The following ZFYVE16 variants were observed in gnomAD, a reference collection of about 807,000 sequenced individuals.
The protein encoded by ZFYVE16 is zinc finger FYVE domain-containing protein 16.
ZFYVE16 carries 89 observed loss-of-function variants against 138.1 expected under a neutral mutation model. The observed-to-expected ratio is 0.64, with a 90% CI of 0.54 to 0.77. ZFYVE16 has a LOEUF of 0.77. ZFYVE16 is among the 30% of genes least tolerant of loss of function. ZFYVE16 has a pLI of 0.00. For missense variants in ZFYVE16, 1,793 were observed against 1,786.7 expected (o/e 1.00, Z -0.06); for synonymous variants, 596 against 618.3 (o/e 0.96, Z 0.53).
intron 11 of ZFYVE16, 44 bp from the exon 12 acceptor site, chr5:80,455,648 G>GT (rs765736302): frequency 1.8e-4 from 261 of 1,459,876 alleles, no homozygotes; most frequent in Admixed American, 3.9e-4. Flanking sequence ...ATAATTTGGG[G>GT]TTTTTTTTGT....
At position 80,480,840 on chromosome 5, in the gene ZFYVE16, A is replaced by T. The variant is rs1755241712; in HGVS notation, c.*3463A>T. On this transcript the variant is annotated 3_prime_UTR_variant, in exon 19 of 19. Transcript: ENST00000505560. ...GGGGCTGAGGTGGGAGGATCACTTG[A>T]GCCCAGGAGGTTAAGGCTCCAGTGA... 6.6e-6 allele frequency among the ~76,000 whole-genome samples: 1 copy of T among 152,116 alleles called. No individual in the cohort carries two copies. The highest frequency in any genetic ancestry group is 1.5e-5 in the Non-Finnish European group (1 of 68,024).
chr5:80,445,353 G>A lies in ZFYVE16; in HGVS notation c.2672G>A (p.Gly891Glu). 1 of 1,613,930 alleles carries A rather than the reference G, an allele frequency of 6.2e-7. No homozygotes were observed. Among genetic ancestry groups the A allele is most frequent in the African/African-American group, 1.3e-5 (1 of 75,034 alleles). ...EVADTTKLSSGSKRCSEDFSP... is the reference protein window; with the variant it reads ...EVADTTKLSSESKRCSEDFSP... ...GCAGATACAACAAAATTATCATCTG[G>A]AAGTAAAAGATGTTCTGAAGACTTT... The change falls in exon 7 of 19, where the codon GGA becomes GAA. Residue 891 changes from glycine (G) to glutamate (E), a missense_variant. Gly to Glu is a moderately conservative substitution (Grantham distance 98). Coordinates refer to ENST00000505560, the MANE Select transcript of ZFYVE16 (RefSeq NM_001284236.3).
intron 5 of ZFYVE16, chr5:80,440,655 C>T: frequency 2.8e-6 from 2 of 715,014 alleles, no homozygotes; most frequent in Non-Finnish European, 3.2e-6. Context: ...TGAGTTCTCA[C>T]AGGTGTGTGT....
intron 15 of ZFYVE16, among the ~76,000 whole-genome samples, chr5:80,470,101 A>ATT (rs1185797719): frequency 0.16 from 17,774 of 108,310 alleles, 1,902 homozygotes; most frequent in Middle Eastern, 0.3. Context: ...GTGTGTGTGT[A>ATT]TTTTTTTTTT....
intron 1 of ZFYVE16, among the ~76,000 whole-genome samples, chr5:80,416,910 A>G (rs1746342016): frequency 6.6e-6 from 1 of 152,194 alleles, no homozygotes; most frequent in South Asian, 2.1e-4. Context: ...ATATGTTAGT[A>G]TATGTGTTTA....
At chr5:80,417,628 C>A (rs983378259) in intron 1 of ZFYVE16, among the ~76,000 whole-genome samples, 4 of 152,108 alleles carry the variant, frequency 2.6e-5, no homozygotes, top group Non-Finnish European at 4.4e-5. Context: ...GTAAGATTCA[C>A]TCGTGTTTTT....
At chr5:80,408,048 T>A (rs1390283923), upstream of ZFYVE16, 3 of 152,278 alleles carry the variant, frequency 2.0e-5, no homozygotes, top group African/African-American at 7.2e-5. Context: ...AAAGAAGCCC[T>A]GAGCCGGGAT....
intron 1 of ZFYVE16, among the ~76,000 whole-genome samples, chr5:80,410,655 C>T (rs1246489650): frequency 5.9e-5 from 9 of 151,872 alleles, no homozygotes; most frequent in Admixed American, 4.6e-4. Context: ...ACTGTAACCT[C>T]TGCCTCCCGG....
At chr5:80,456,872 C>T (rs753150493) in intron 13 of ZFYVE16, 73 bp from the exon 14 acceptor site, 246 of 1,463,892 alleles carry the variant, frequency 1.7e-4, no homozygotes, top group Non-Finnish European at 2.1e-4. Flanking sequence ...TGGCCAGAAA[C>T]GTGGCTCTTA....
chr5:80,443,883 C>G, intron 6 of ZFYVE16: 1 of 456,076 alleles, frequency 2.2e-6, no homozygotes, highest in Middle Eastern at 3.3e-4. Flanking sequence ...ATCCAAGAGC[C>G]CACTGTAGAG....
chr5:80,449,645 G>A lies in ZFYVE16; in HGVS notation c.3158G>A (p.Gly1053Asp). 1.9e-6 allele frequency: 3 copies of A among 1,611,092 alleles called. No individual in the cohort carries two copies. Among genetic ancestry groups the A allele is most frequent in the South Asian group, 2.2e-5 (2 of 90,648 alleles). ...SHEQIILLLE[G>D]ESFHPVTFVL... Reference sequence around the variant, plus strand: ...GAGCAGATCATTTTGCTTCTTGAAGGTGAAAGCTTTCATCCTGTTACATTT... The same window carrying A: ...GAGCAGATCATTTTGCTTCTTGAAGATGAAAGCTTTCATCCTGTTACATTT... The change falls in exon 9 of 19, where the codon GGT becomes GAT. Residue 1053 changes from glycine to aspartate, a missense_variant. Transcript: ENST00000505560.
At chr5:80,450,398 G>T in intron 9 of ZFYVE16, 33 bp from the exon 10 acceptor site, 1 of 1,590,124 alleles carries the variant, frequency 6.3e-7, no homozygotes, top group South Asian at 1.1e-5. Context: ...AATAGAAGTT[G>T]ACATTAATAG....
intron 15 of ZFYVE16, among the ~76,000 whole-genome samples, chr5:80,470,101 A>ATATTT (rs1208201212): frequency 6.4e-5 from 7 of 108,560 alleles, no homozygotes; most frequent in African/African-American, 1.3e-4. Context: ...GTGTGTGTGT[A>ATATTT]TTTTTTTTTT....
intron 15 of ZFYVE16, among the ~76,000 whole-genome samples, chr5:80,464,776 A>T (rs1197680650): frequency 6.6e-6 from 1 of 152,094 alleles, no homozygotes; most frequent in East Asian, 1.9e-4. Flanking sequence ...GATATTTTCT[A>T]GTGTACCATT....
At chr5:80,416,845 G>A (rs534572945) in intron 1 of ZFYVE16, among the ~76,000 whole-genome samples, 3 of 152,134 alleles carry the variant, frequency 2.0e-5, no homozygotes, top group Non-Finnish European at 2.9e-5. Context: ...AAGTATGTTC[G>A]TTGCCCCTGG....
chr5:80,441,205 A>C, intron 5 of ZFYVE16: 2 of 985,462 alleles, frequency 2.0e-6, no homozygotes, highest in Non-Finnish European at 2.4e-6. Context: ...ACTTAAAAAG[A>C]AATTAAACAT....
At chr5:80,462,758 C>A (rs1392370136) in intron 15 of ZFYVE16, among the ~76,000 whole-genome samples, 1 of 152,212 alleles carries the variant, frequency 6.6e-6, no homozygotes, top group Non-Finnish European at 1.5e-5. Flanking sequence ...AAATCAAGAG[C>A]AAGTTAGTTA....
At chr5:80,432,213 C>T (rs1284303905) in intron 2 of ZFYVE16, among the ~76,000 whole-genome samples, 2 of 152,200 alleles carry the variant, frequency 1.3e-5, no homozygotes, top group Admixed American at 6.5e-5. Context: ...ACCAAAACAG[C>T]ATGGTACTGG....
chr5:80,444,372 G>A (rs566922269), intron 6 of ZFYVE16, among the ~76,000 whole-genome samples: 31 of 150,804 alleles, frequency 2.1e-4, no homozygotes, highest in Non-Finnish European at 3.4e-4. Context: ...TACCTACATT[G>A]CAAAAAATAT....
Sources: allele counts gnomAD v4.1 joint callset (sites outside exome capture counted in the v4.1 genomes callset), GRCh38; gene constraint gnomAD v4.1.1; transcripts MANE v1.5; gene names NCBI Gene and HGNC (gene_info 2026-07-23, HGNC 2026-07-21).